The following COL25A1 variants were observed in gnomAD, a reference collection of about 807,000 sequenced individuals.
COL25A1 encodes the protein collagen alpha-1(XXV) chain.
In COL25A1, 103 loss-of-function variants were observed where a neutral mutation model predicts 128.4. That is an observed-to-expected ratio of 0.80 (90% CI 0.68 to 0.94). The LOEUF is 0.94. Among genes scored for constraint, COL25A1 ranks in the 40% least tolerant of loss-of-function variants. The probability of loss-of-function intolerance (pLI) is 0.00; values close to 1 mark genes in which losing one functional copy is unlikely to be tolerated. For synonymous variants in COL25A1, 279 were observed against 277.2 expected, an observed-to-expected ratio of 1.01 and a Z score of -0.06; for missense variants, 745 against 840.0, an observed-to-expected ratio of 0.89 and a Z score of 1.40.
rs113765533 is a variant in COL25A1, at chr4:109,193,524, G to A, written c.367+107059C>T. On this transcript the variant is annotated intron_variant, in intron 3 of 37. Coordinates refer to ENST00000399132, the MANE Select transcript of COL25A1 (RefSeq NM_198721.4). ...AGACACACTTGGAGGAACACCTAAA[G>A]CTTGCAGGCAAAGTGAAGAGACAGA... 1.4e-3 allele frequency among the ~76,000 whole-genome samples: 210 copies of A among 152,280 alleles called. 1 individual carries two copies. Among genetic ancestry groups the A allele is most frequent in the African/African-American group, 4.9e-3 (204 of 41,550 alleles).
chr4:109,043,764 A>G (rs146498622), intron 5 of COL25A1, among the ~76,000 whole-genome samples: 81 of 152,204 alleles, frequency 5.3e-4, no homozygotes, highest in Middle Eastern at 3.4e-3. Flanking sequence ...TAAAAACCCT[A>G]AAGTCATTTT....
In COL25A1 at chr4:109,070,782, G is replaced by A. The variant is rs549413939; in HGVS notation, c.368-20603C>T. ...TTCCCAACTATGAGTGAGAACATGC[G>A]GTGTTTGGTTTTTTGTCCTTGCGAT... On this transcript the variant is annotated intron_variant, in intron 3 of 37. Transcript: ENST00000399132. 2.0e-3 allele frequency among the ~76,000 whole-genome samples: 293 copies of A among 148,758 alleles called. 3 individuals carry two copies. The highest frequency in any genetic ancestry group is 7.0e-3 in the African/African-American group (281 of 40,282).
intron 19 of COL25A1, among the ~76,000 whole-genome samples, chr4:108,883,949 G>T (rs1387266168): frequency 6.6e-6 from 1 of 152,072 alleles, no homozygotes; most frequent in Non-Finnish European, 1.5e-5. Context: ...TTTATTTAAG[G>T]GGCAGTAGTA....
chr4:108,834,439 A>C, intron 31 of COL25A1: 1 of 1,499,136 alleles, frequency 6.7e-7, no homozygotes, highest in East Asian at 2.5e-5. Context: ...CACGAATGAC[A>C]AGAACAGAGA....
At chr4:109,027,613 G>A (rs1477369885) in intron 5 of COL25A1, among the ~76,000 whole-genome samples, 6 of 152,084 alleles carry the variant, frequency 3.9e-5, no homozygotes, top group Non-Finnish European at 8.8e-5. Flanking sequence ...CAGATGGAGA[G>A]ATGTTAGGAG....
At chr4:109,114,602 G>A (rs539642909) in intron 3 of COL25A1, among the ~76,000 whole-genome samples, 29 of 152,106 alleles carry the variant, frequency 1.9e-4, no homozygotes, top group African/African-American at 6.7e-4. Context: ...GTGCATCCTG[G>A]GAATTACAAA....
chr4:109,082,260 T>C (rs748228199), intron 3 of COL25A1, among the ~76,000 whole-genome samples: 67 of 152,244 alleles, frequency 4.4e-4, no homozygotes, highest in Non-Finnish European at 8.5e-4. Flanking sequence ...ATAATCCTGC[T>C]ATGAACATTT....
At chr4:108,891,765 A>T (rs1373930350) in intron 16 of COL25A1, among the ~76,000 whole-genome samples, 3 of 151,846 alleles carry the variant, frequency 2.0e-5, no homozygotes, top group African/African-American at 7.3e-5. Flanking sequence ...TGACAACAGG[A>T]CATAAAGGTT....
At chr4:108,820,203 T>A (rs550617438) in intron 35 of COL25A1, among the ~76,000 whole-genome samples, 2 of 152,240 alleles carry the variant, frequency 1.3e-5, no homozygotes, top group Admixed American at 6.5e-5. Context: ...GAGTCACAGA[T>A]CCTGTGAGGA....
intron 32 of COL25A1, among the ~76,000 whole-genome samples, chr4:108,831,787 C>T (rs575719939): frequency 3.3e-5 from 5 of 151,482 alleles, no homozygotes; most frequent in African/African-American, 1.2e-4. Context: ...TTCTGAATGT[C>T]TTTTTTCCCC....
intron 3 of COL25A1, among the ~76,000 whole-genome samples, chr4:109,223,852 T>C (rs1207155548): frequency 6.6e-6 from 1 of 152,184 alleles, no homozygotes; most frequent in African/African-American, 2.4e-5. Flanking sequence ...AGGCATAGCA[T>C]ACAAACTAGT....
chr4:109,226,739 A>AT (rs1400246234), intron 3 of COL25A1, among the ~76,000 whole-genome samples: 1 of 152,194 alleles, frequency 6.6e-6, no homozygotes, highest in East Asian at 1.9e-4. Flanking sequence ...ATTTATTTAC[A>AT]TTTTTAAGGG....
chr4:109,172,642 T>G (rs1030199506), intron 3 of COL25A1, among the ~76,000 whole-genome samples: 3 of 152,202 alleles, frequency 2.0e-5, no homozygotes, highest in Non-Finnish European at 4.4e-5. Flanking sequence ...TCTTTTGTCC[T>G]GTTAGGACGC....
At chr4:109,122,691 A>G (rs114114380) in intron 3 of COL25A1, among the ~76,000 whole-genome samples, 39 of 152,184 alleles carry the variant, frequency 2.6e-4, no homozygotes, top group South Asian at 6.2e-4. Flanking sequence ...CATAATTCTA[A>G]TGGAAGGACA....
intron 3 of COL25A1, among the ~76,000 whole-genome samples, chr4:109,184,056 T>C (rs1774910870): frequency 6.6e-6 from 1 of 152,160 alleles, no homozygotes; most frequent in African/African-American, 2.4e-5. Context: ...AATGTTGTTA[T>C]TGTCTTCCAT....
chr4:108,881,039 T>C (rs1740055303), intron 19 of COL25A1, among the ~76,000 whole-genome samples: 1 of 152,190 alleles, frequency 6.6e-6, no homozygotes, highest in Non-Finnish European at 1.5e-5. Flanking sequence ...ATTTTCCCAG[T>C]TGAACATCGT....
At chr4:109,103,309 A>G (rs1766093233) in intron 3 of COL25A1, among the ~76,000 whole-genome samples, 1 of 152,016 alleles carries the variant, frequency 6.6e-6, no homozygotes, top group Non-Finnish European at 1.5e-5. Flanking sequence ...AAATCTTGCT[A>G]AATGTTAACT....
intron 3 of COL25A1, among the ~76,000 whole-genome samples, chr4:109,126,358 TA>T (rs1489859741): frequency 6.6e-6 from 1 of 152,148 alleles, no homozygotes; most frequent in African/African-American, 2.4e-5. Flanking sequence ...GAATAAAATC[TA>T]AATCCAACTC....
chr4:109,250,804 C>T (rs191253028), intron 3 of COL25A1, among the ~76,000 whole-genome samples: 1 of 152,200 alleles, frequency 6.6e-6, no homozygotes, highest in African/African-American at 2.4e-5. Context: ...TCTGGGCACT[C>T]TGTAGATCAG....
Sources: gnomAD v4.1 joint callset for allele counts (sites outside exome capture counted in the v4.1 genomes callset) on GRCh38, gnomAD v4.1.1 for gene constraint, MANE v1.5 for transcripts, NCBI Gene and HGNC (gene_info 2026-07-23, HGNC 2026-07-21) for gene names.